CHODL: variants seen among roughly 807,000 people sequenced by gnomAD.
CHODL encodes the protein chondrolectin, also known as transmembrane protein MT75.
A neutral mutation model predicts 34.5 loss-of-function variants in CHODL; 29 were observed. That is an observed-to-expected ratio of 0.84 (90% CI 0.63 to 1.15). The LOEUF (loss-of-function observed/expected upper bound fraction) is 1.15. Among genes scored for constraint, CHODL ranks in the 50% most tolerant of loss-of-function variants. CHODL has a pLI of 0.00. For synonymous variants in CHODL, 125 were observed against 116.1 expected, an observed-to-expected ratio of 1.08 and a Z score of -0.49; for missense variants, 332 against 332.5, an observed-to-expected ratio of 1.00 and a Z score of 0.01.
intron 2 of CHODL, among the ~76,000 whole-genome samples, chr21:18,123,345 A>C (rs998709265): frequency 9.9e-5 from 15 of 152,206 alleles, no homozygotes; most frequent in African/African-American, 2.9e-4. Context: ...CCAGACAAAC[A>C]AACCTTCTTA....
At chr21:18,110,107 C>T (rs1412828846) in intron 2 of CHODL, among the ~76,000 whole-genome samples, 1 of 152,128 alleles carries the variant, frequency 6.6e-6, no homozygotes, top group Non-Finnish European at 1.5e-5. Context: ...TTGGAAATAG[C>T]TTTGCTATTA....
At chr21:17,992,728 T>TTG (rs976045696) in intron 1 of CHODL, among the ~76,000 whole-genome samples, 6 of 143,424 alleles carry the variant, frequency 4.2e-5, no homozygotes, top group Non-Finnish European at 9.1e-5. Context: ...GTTTTTTTTT[T>TTG]TTTTTTTTTT....
At chr21:18,154,783 T>C (rs1215805332) in intron 2 of CHODL, among the ~76,000 whole-genome samples, 5 of 152,242 alleles carry the variant, frequency 3.3e-5, no homozygotes, top group Admixed American at 6.5e-5. Context: ...TCTGTAAGTG[T>C]ATTTAATGTT....
At chr21:17,941,150 T>C (rs138967614) in intron 1 of CHODL, among the ~76,000 whole-genome samples, 1 of 152,286 alleles carries the variant, frequency 6.6e-6, no homozygotes, top group African/African-American at 2.4e-5. Context: ...CTAATACTCA[T>C]CTACTTGGTA....
rs150957832 is a variant in CHODL, at chr21:18,214,581, A to G, written c.-44-41928A>G. Among the ~76,000 whole-genome samples, 376 of 152,242 alleles carry G rather than the reference A, an allele frequency of 2.5e-3. 1 individual carries two copies. The highest frequency in any genetic ancestry group is 8.5e-3 in the African/African-American group (355 of 41,544). On this transcript the variant is annotated intron_variant, in intron 2 of 6. Coordinates refer to the CHODL transcript ENST00000400127. ...CTTGCCATTAGCTCTTCATTTGCAAATTGAGGAAGCAATCTACTTTCACTG... is the reference window on the plus strand; with the variant it reads ...CTTGCCATTAGCTCTTCATTTGCAAGTTGAGGAAGCAATCTACTTTCACTG...
intron 2 of CHODL, among the ~76,000 whole-genome samples, chr21:18,076,271 A>G (rs1392785057): frequency 6.6e-6 from 1 of 152,204 alleles, no homozygotes; most frequent in Non-Finnish European, 1.5e-5. Flanking sequence ...GAAATATGGA[A>G]GGTAAAGGCC....
rs376718833 is a variant in CHODL at position 18,053,784 on chromosome 21, A to T, written c.-45+25813A>T. On this transcript the variant is annotated intron_variant, in intron 2 of 6. Transcript: ENST00000400127. ...TCAGTTATTGCAGTTCTGAGGACTG[A>T]AAAGAAGGCAGCCTCATGTAAGACT... Among the ~76,000 whole-genome samples the T allele has an allele frequency of 6.6e-5, 10 of 152,034 alleles. 1 individual carries two copies. The highest frequency in any genetic ancestry group is 2.0e-4 in the Admixed American group (3 of 15,222).
intron 2 of CHODL, among the ~76,000 whole-genome samples, chr21:18,213,500 C>T (rs1001142537): frequency 6.6e-6 from 1 of 152,004 alleles, no homozygotes; most frequent in Non-Finnish European, 1.5e-5. Flanking sequence ...TGTTTGAGTA[C>T]AGTAGCATGC....
intron 1 of CHODL, among the ~76,000 whole-genome samples, chr21:17,925,652 T>G (rs2063216743): frequency 6.6e-6 from 1 of 152,230 alleles, no homozygotes; most frequent in Non-Finnish European, 1.5e-5. Flanking sequence ...TCCACAAATT[T>G]TAAATTCGCC....
At chr21:17,941,264 A>T (rs1195139331) in intron 1 of CHODL, among the ~76,000 whole-genome samples, 1 of 151,228 alleles carries the variant, frequency 6.6e-6, no homozygotes, top group East Asian at 1.9e-4. Flanking sequence ...TGGGGAAGAA[A>T]ATCCCAAAAC....
At chr21:18,088,038 AACTC>A (rs1220072090) in intron 2 of CHODL, among the ~76,000 whole-genome samples, 2 of 152,066 alleles carry the variant, frequency 1.3e-5, no homozygotes, top group African/African-American at 4.8e-5. Context: ...ATCTTATGAG[AACTC>A]ACTCACTATC....
intron 1 of CHODL, among the ~76,000 whole-genome samples, chr21:18,009,849 C>G (rs2063996161): frequency 7.2e-6 from 1 of 138,414 alleles, no homozygotes; most frequent in Non-Finnish European, 1.5e-5. Flanking sequence ...GATCGAGCCA[C>G]TGCACTCCAG....
At chr21:18,162,874 C>CAA (rs1188508811) in intron 2 of CHODL, among the ~76,000 whole-genome samples, 1 of 152,110 alleles carries the variant, frequency 6.6e-6, no homozygotes, top group Non-Finnish European at 1.5e-5. Context: ...CTCCTGGGCT[C>CAA]AAGAGACCCT....
chr21:17,979,936 G>T (rs2063700474), intron 1 of CHODL, among the ~76,000 whole-genome samples: 1 of 152,108 alleles, frequency 6.6e-6, no homozygotes, highest in Non-Finnish European at 1.5e-5. Context: ...GATGTCAGGG[G>T]TGCCTCAGTT....
intron 2 of CHODL, among the ~76,000 whole-genome samples, chr21:18,182,852 A>G (rs2073397416): frequency 6.6e-6 from 1 of 152,194 alleles, no homozygotes; most frequent in South Asian, 2.1e-4. Context: ...GTCACAATGA[A>G]GTATTCTGGG....
intron 2 of CHODL, among the ~76,000 whole-genome samples, chr21:18,118,139 A>G (rs1207647344): frequency 6.6e-6 from 1 of 152,180 alleles, no homozygotes; most frequent in Admixed American, 6.6e-5. Context: ...TTCAGATTTA[A>G]CTGGTTTTTT....
intron 2 of CHODL, among the ~76,000 whole-genome samples, chr21:18,145,322 A>G (rs1307302175): frequency 1.4e-5 from 2 of 147,852 alleles, no homozygotes; most frequent in Non-Finnish European, 3.0e-5. Flanking sequence ...CTGTAGTCCC[A>G]GCTACTCGGG....
chr21:18,238,164 G>A lies in CHODL; in HGVS notation c.-44-18345G>A, dbSNP rs77845597. ...TTGGGTTAGAGAAAACCAGTATAGAGTCTGGGAAGAGACACCAGAGTTCTA... is the reference window on the plus strand; with the variant it reads ...TTGGGTTAGAGAAAACCAGTATAGAATCTGGGAAGAGACACCAGAGTTCTA... On this transcript the variant is annotated intron_variant, in intron 2 of 6. Transcript: ENST00000400127. 9.5e-3 allele frequency among the ~76,000 whole-genome samples: 1,442 copies of A among 152,194 alleles called. 32 individuals carry two copies. Among genetic ancestry groups the A allele is most frequent in the African/African-American group, 0.033 (1,355 of 41,532 alleles).
intron 2 of CHODL, among the ~76,000 whole-genome samples, chr21:18,152,551 T>C (rs1257537383): frequency 6.6e-6 from 1 of 152,238 alleles, no homozygotes; most frequent in Non-Finnish European, 1.5e-5. Flanking sequence ...TCTTTAGTCT[T>C]CCTGGCTACA....
Sources: gnomAD v4.1 joint callset for allele counts (sites outside exome capture counted in the v4.1 genomes callset) on GRCh38, gnomAD v4.1.1 for gene constraint, MANE v1.5 for transcripts, NCBI Gene and HGNC (gene_info 2026-07-23, HGNC 2026-07-21) for gene names.